The following RNLS variants were observed in gnomAD, a reference collection of about 807,000 sequenced individuals.
The protein encoded by RNLS is renalase, FAD dependent amine oxidase.
A neutral mutation model predicts 39.8 loss-of-function variants in RNLS; 39 were observed. The observed-to-expected ratio is 0.98, with a 90% CI of 0.76 to 1.28. The LOEUF is 1.28. Ranked by LOEUF, RNLS falls within the 50% of genes most tolerant of loss-of-function variation. RNLS has a pLI of 0.00. For synonymous variants in RNLS, 147 were observed against 150.7 expected (o/e 0.98, Z 0.18); for missense variants, 410 against 413.3 (o/e 0.99, Z 0.07).
chr10:88,516,864 G>A (rs1302291686), intron 4 of RNLS, among the ~76,000 whole-genome samples: 2 of 151,958 alleles, frequency 1.3e-5, no homozygotes, highest in African/African-American at 2.4e-5. Context: ...TTGACAAACT[G>A]TCCATTTCCC....
the RNLS span, among the ~76,000 whole-genome samples, chr10:88,231,651 G>A: frequency 6.6e-6 from 1 of 152,172 alleles, no homozygotes; most frequent in Non-Finnish European, 1.5e-5. Context: ...GGGGACAGAA[G>A]TGTCAGGGCT....
At chr10:88,472,620 A>G (rs764719105) in intron 4 of RNLS, among the ~76,000 whole-genome samples, 4 of 152,240 alleles carry the variant, frequency 2.6e-5, no homozygotes, top group Admixed American at 2.6e-4. Flanking sequence ...AGCTGTTAGT[A>G]CAGCCACATT....
At chr10:88,390,501 G>A (rs1297249423) in intron 4 of RNLS, among the ~76,000 whole-genome samples, 1 of 152,200 alleles carries the variant, frequency 6.6e-6, no homozygotes, top group Non-Finnish European at 1.5e-5. Flanking sequence ...CCTGAAAGGT[G>A]GAATGTGGGG....
At chr10:88,177,100 A>C in the RNLS span, among the ~76,000 whole-genome samples, 1 of 152,202 alleles carries the variant, frequency 6.6e-6, no homozygotes, top group South Asian at 2.1e-4. Flanking sequence ...ATATTTAAGC[A>C]CCCTGTATCT....
chr10:88,478,309 G>A (rs117977663), intron 4 of RNLS, among the ~76,000 whole-genome samples: 5 of 152,142 alleles, frequency 3.3e-5, no homozygotes, highest in Non-Finnish European at 7.4e-5. Flanking sequence ...TATCCAGTTA[G>A]TATCTGATAT....
chr10:88,463,299 G>C (rs1458101489), intron 4 of RNLS, among the ~76,000 whole-genome samples: 1 of 152,022 alleles, frequency 6.6e-6, no homozygotes, highest in Admixed American at 6.6e-5. Context: ...GCTATGTGAA[G>C]ATAAATGCAG....
At chr10:88,513,509 C>A (rs960958531) in intron 4 of RNLS, among the ~76,000 whole-genome samples, 1 of 152,146 alleles carries the variant, frequency 6.6e-6, no homozygotes, top group African/African-American at 2.4e-5. Flanking sequence ...GTATTACTTG[C>A]CTTACCATAT....
At chr10:88,176,959 G>A in the RNLS span, among the ~76,000 whole-genome samples, 1 of 152,048 alleles carries the variant, frequency 6.6e-6, no homozygotes, top group Non-Finnish European at 1.5e-5. Context: ...TTAGTCTGAT[G>A]GTAATTCCCT....
chr10:88,283,135 T>C (rs1278304105), downstream of RNLS, among the ~76,000 whole-genome samples: 2 of 152,200 alleles, frequency 1.3e-5, no homozygotes, highest in East Asian at 1.9e-4. Flanking sequence ...CCTGGCCAGC[T>C]GAATTTTATG....
chr10:88,405,017 G>C (rs1853170978), intron 4 of RNLS, among the ~76,000 whole-genome samples: 1 of 152,006 alleles, frequency 6.6e-6, no homozygotes, highest in South Asian at 2.1e-4. Flanking sequence ...TTACAGAAGA[G>C]AGAATTATAG....
intron 4 of RNLS, chr10:88,545,399 G>T (rs1030989956): frequency 1.2e-4 from 55 of 453,850 alleles, no homozygotes; most frequent in South Asian, 7.5e-4. Flanking sequence ...AGTTCCACAT[G>T]CTGGAAAGGC....
intron 4 of RNLS, among the ~76,000 whole-genome samples, chr10:88,501,485 C>T (rs1845481589): frequency 6.6e-6 from 1 of 152,126 alleles, no homozygotes; most frequent in Non-Finnish European, 1.5e-5. Flanking sequence ...AATGGTAACA[C>T]CTGAATTCTC....
At chr10:88,251,301 G>C in the RNLS span, among the ~76,000 whole-genome samples, 2 of 152,236 alleles carry the variant, frequency 1.3e-5, no homozygotes, top group African/African-American at 4.8e-5. Context: ...CTGGCACCAG[G>C]AAGGTGCTCA....
intron 4 of RNLS, among the ~76,000 whole-genome samples, chr10:88,390,369 G>A (rs994691816): frequency 3.3e-5 from 5 of 152,128 alleles, no homozygotes; most frequent in African/African-American, 7.2e-5. Flanking sequence ...ATATTCGTTC[G>A]TCTGAATGCA....
At chr10:88,548,433 A>C (rs1171965688) in intron 4 of RNLS, among the ~76,000 whole-genome samples, 1 of 149,650 alleles carries the variant, frequency 6.7e-6, no homozygotes, top group African/African-American at 2.4e-5. Flanking sequence ...TGAGGTCAGG[A>C]GTTCAAGACC....
chr10:88,357,382 C>T (rs1342436102), intron 5 of RNLS, among the ~76,000 whole-genome samples: 1 of 152,154 alleles, frequency 6.6e-6, no homozygotes, highest in African/African-American at 2.4e-5. Flanking sequence ...GTAAATGTAT[C>T]TCACTTGTGG....
intron 4 of RNLS, among the ~76,000 whole-genome samples, chr10:88,502,088 C>T (rs1845524408): frequency 6.6e-6 from 1 of 152,048 alleles, no homozygotes; most frequent in Non-Finnish European, 1.5e-5. Context: ...TAAATCCATA[C>T]AAGATATATC....
chr10:88,215,530 A>C, the RNLS span, among the ~76,000 whole-genome samples: 1 of 152,018 alleles, frequency 6.6e-6, no homozygotes, highest in Non-Finnish European at 1.5e-5. Flanking sequence ...TGATGGACCA[A>C]CTCTGGAGAG....
At chr10:88,503,248 G>A (rs1373821711) in intron 4 of RNLS, among the ~76,000 whole-genome samples, 1 of 152,156 alleles carries the variant, frequency 6.6e-6, no homozygotes, top group Non-Finnish European at 1.5e-5. Context: ...GGGCATGGTG[G>A]CACATGCCTG....
Sources: allele counts gnomAD v4.1 joint callset (sites outside exome capture counted in the v4.1 genomes callset), GRCh38; gene constraint gnomAD v4.1.1; transcripts MANE v1.5; gene names NCBI Gene and HGNC (gene_info 2026-07-23, HGNC 2026-07-21).